The following GPC5 variants were observed in gnomAD, a reference collection of about 807,000 sequenced individuals.
The protein encoded by GPC5 is glypican 5, also known as glypican-5.
Under a neutral mutation model 53.9 loss-of-function variants are expected in GPC5, and 47 were observed. That is an observed-to-expected ratio of 0.87 (90% CI 0.69 to 1.11). GPC5 has a LOEUF of 1.11. GPC5 is among the 50% of genes most tolerant of loss of function. The pLI, the probability that GPC5 is intolerant of heterozygous loss-of-function variation, is 0.00. For synonymous variants in GPC5, 286 were observed against 263.3 expected, an observed-to-expected ratio of 1.09 and a Z score of -0.84; for missense variants, 748 against 713.1, an observed-to-expected ratio of 1.05 and a Z score of -0.56.
intron 7 of GPC5, among the ~76,000 whole-genome samples, chr13:92,541,134 T>C (rs1395211322): frequency 6.6e-6 from 1 of 151,872 alleles, no homozygotes; most frequent in African/African-American, 2.4e-5. Flanking sequence ...GAGTTTACAG[T>C]ATTAAATAAA....
chr13:92,660,627 C>T (rs747046332), intron 7 of GPC5, among the ~76,000 whole-genome samples: 9 of 151,872 alleles, frequency 5.9e-5, no homozygotes, highest in East Asian at 1.9e-4. Context: ...CTCTCTTCCA[C>T]GTAATGATCT....
chr13:92,433,562 A>G (rs1215759379), intron 7 of GPC5, among the ~76,000 whole-genome samples: 1 of 152,178 alleles, frequency 6.6e-6, no homozygotes, highest in East Asian at 1.9e-4. Context: ...GGAGGAGCAG[A>G]CAGTTGATGC....
chr13:92,794,393 T>G (rs1594512088), intron 7 of GPC5, among the ~76,000 whole-genome samples: 1 of 151,844 alleles, frequency 6.6e-6, no homozygotes, highest in Non-Finnish European at 1.5e-5. Context: ...TCAAAATAAT[T>G]AGAGCTATTT....
chr13:92,823,437 T>C (rs1285468641), intron 7 of GPC5, among the ~76,000 whole-genome samples: 1 of 152,114 alleles, frequency 6.6e-6, no homozygotes, highest in East Asian at 1.9e-4. Context: ...GTAAAAAGAA[T>C]ATGCCTAGAA....
At chr13:91,774,977 C>G (rs1225321217) in intron 5 of GPC5, among the ~76,000 whole-genome samples, 1 of 152,124 alleles carries the variant, frequency 6.6e-6, no homozygotes, top group Non-Finnish European at 1.5e-5. Context: ...TTTTCAGAGA[C>G]TTGCAGGGTA....
chr13:92,321,192 G>A (rs1260070782), intron 7 of GPC5, among the ~76,000 whole-genome samples: 1 of 152,132 alleles, frequency 6.6e-6, no homozygotes, highest in Non-Finnish European at 1.5e-5. Context: ...CTGTTATGCT[G>A]TTATAGCAAT....
At chr13:91,755,550 A>G (rs2037271669) in intron 4 of GPC5, among the ~76,000 whole-genome samples, 1 of 152,154 alleles carries the variant, frequency 6.6e-6, no homozygotes, top group Non-Finnish European at 1.5e-5. Context: ...TGGTTTTAAA[A>G]CTGAAAAGTT....
intron 7 of GPC5, among the ~76,000 whole-genome samples, chr13:92,502,439 T>TA (rs553900786): frequency 1.3e-4 from 20 of 151,724 alleles, no homozygotes; most frequent in Admixed American, 4.0e-4. Context: ...CAGAATGGAT[T>TA]AAAAAAAACA....
chr13:92,311,574 T>C (rs2043145279), intron 7 of GPC5, among the ~76,000 whole-genome samples: 1 of 152,158 alleles, frequency 6.6e-6, no homozygotes, highest in Admixed American at 6.5e-5. Context: ...TGGGGAGGCC[T>C]CACAATCATA....
intron 2 of GPC5, among the ~76,000 whole-genome samples, chr13:91,651,988 A>C (rs1219745552): frequency 6.6e-6 from 1 of 152,206 alleles, no homozygotes; most frequent in South Asian, 2.1e-4. Flanking sequence ...GTTCTGAGTT[A>C]GGAGGTCTGG....
At chr13:91,906,476 A>G (rs2039554174) in intron 5 of GPC5, among the ~76,000 whole-genome samples, 1 of 152,092 alleles carries the variant, frequency 6.6e-6, no homozygotes. Flanking sequence ...TTGTGTTTAT[A>G]TTACACTATT....
chr13:92,592,280 A>C (rs190215906), intron 7 of GPC5, among the ~76,000 whole-genome samples: 2 of 152,304 alleles, frequency 1.3e-5, no homozygotes, highest in Admixed American at 6.5e-5. Context: ...CTTGAGAAGA[A>C]GGACATGGTG....
intron 1 of GPC5, among the ~76,000 whole-genome samples, chr13:91,418,109 C>T (rs918057157): frequency 6.6e-6 from 1 of 152,082 alleles, no homozygotes; most frequent in African/African-American, 2.4e-5. Flanking sequence ...GTACCGCCTG[C>T]CCATCAGTCA....
intron 2 of GPC5, among the ~76,000 whole-genome samples, chr13:91,540,335 C>G (rs2029874838): frequency 6.6e-6 from 1 of 152,204 alleles, no homozygotes; most frequent in Non-Finnish European, 1.5e-5. Flanking sequence ...CTGGCCAGGC[C>G]TTAGAATTCT....
intron 5 of GPC5, among the ~76,000 whole-genome samples, chr13:91,865,945 G>A (rs571079088): frequency 2.8e-4 from 43 of 152,270 alleles, no homozygotes; most frequent in African/African-American, 6.5e-4. Context: ...TCTGCTCGCC[G>A]CAACATCTGC....
At chr13:92,280,242 T>G (rs1203799736) in intron 7 of GPC5, among the ~76,000 whole-genome samples, 1 of 152,130 alleles carries the variant, frequency 6.6e-6, no homozygotes, top group African/African-American at 2.4e-5. Context: ...ATTTTAGTTG[T>G]TTTTGTCTTC....
chr13:92,584,021 C>A (rs1181632243), intron 7 of GPC5, among the ~76,000 whole-genome samples: 1 of 152,140 alleles, frequency 6.6e-6, no homozygotes, highest in African/African-American at 2.4e-5. Context: ...CCAATGAAAC[C>A]TCTTTCTTTT....
intron 7 of GPC5, among the ~76,000 whole-genome samples, chr13:92,476,849 A>T (rs1423928453): frequency 1.5e-5 from 2 of 136,060 alleles, no homozygotes; most frequent in African/African-American, 5.6e-5. Context: ...AACAATGAGA[A>T]CACATGGACA....
intron 7 of GPC5, among the ~76,000 whole-genome samples, chr13:92,852,543 C>A (rs1314141673): frequency 6.6e-6 from 1 of 152,162 alleles, no homozygotes; most frequent in African/African-American, 2.4e-5. Context: ...GCAGAAGTGA[C>A]ACATGTTCCT....
Sources: gnomAD v4.1 joint callset for allele counts (sites outside exome capture counted in the v4.1 genomes callset) on GRCh38, gnomAD v4.1.1 for gene constraint, MANE v1.5 for transcripts, NCBI Gene and HGNC (gene_info 2026-07-23, HGNC 2026-07-21) for gene names.